The following LAMA4 variants were observed in gnomAD, a reference collection of about 807,000 sequenced individuals.
LAMA4 encodes laminin subunit alpha 4.
Under a neutral mutation model 207.1 loss-of-function variants are expected in LAMA4, and 127 were observed. The observed-to-expected ratio is 0.61, with a 90% CI of 0.53 to 0.71. The LOEUF is 0.71. Ranked by LOEUF, LAMA4 falls within the 30% of genes least tolerant of loss-of-function variation. The probability of loss-of-function intolerance (pLI) is 0.00; values close to 1 mark genes in which losing one functional copy is unlikely to be tolerated. For missense variants in LAMA4, 2,093 were observed against 2,246.5 expected (o/e 0.93, Z 1.38); for synonymous variants, 761 against 816.0 (o/e 0.93, Z 1.15).
chr6:112,188,636 G>A (rs1201016467), intron 7 of LAMA4, among the ~76,000 whole-genome samples: 4 of 152,188 alleles, frequency 2.6e-5, no homozygotes, highest in African/African-American at 9.7e-5. Context: ...AGAGATAAAA[G>A]GCAGTTCCAT....
At chr6:112,153,131 G>T (rs1554336088) in intron 16 of LAMA4, among the ~76,000 whole-genome samples, 2 of 152,040 alleles carry the variant, frequency 1.3e-5, no homozygotes, top group African/African-American at 4.8e-5. Context: ...GCAGCTTCCT[G>T]AGATTATATT....
chr6:112,152,091 G>T (rs1271283987), intron 16 of LAMA4, among the ~76,000 whole-genome samples: 2 of 152,068 alleles, frequency 1.3e-5, no homozygotes, highest in Non-Finnish European at 2.9e-5. Flanking sequence ...TTTTGTGAGA[G>T]AATTTGGCTT....
intron 2 of LAMA4, among the ~76,000 whole-genome samples, chr6:112,241,138 AAT>A (rs200599976): frequency 6.5e-5 from 3 of 46,362 alleles, no homozygotes; most frequent in Admixed American, 3.6e-4. Context: ...AATATATAGG[AAT>A]ATATATATGA....
At chr6:112,247,880 T>C (rs1787111919) in intron 2 of LAMA4, among the ~76,000 whole-genome samples, 2 of 152,212 alleles carry the variant, frequency 1.3e-5, no homozygotes, top group South Asian at 4.1e-4. Context: ...ATAGTGTACA[T>C]ATAAACAGAG....
At position 112,190,932 on chromosome 6, in the gene LAMA4, TTTCTTTCTTTCTTTCCTTTC is replaced by T. The variant is rs1386486028; in HGVS notation, c.718+684_718+703del. 4.9e-3 allele frequency among the ~76,000 whole-genome samples: 431 copies of T among 88,794 alleles called. 7 individuals are homozygous for T. The highest frequency in any genetic ancestry group is 0.022 in the South Asian group (48 of 2,168). The allele number at this position is 88,794 out of a possible 152,430, so 58.3% of individuals were successfully genotyped here. The stretch of plus-strand genomic sequence containing the variant: ...CTTTCTTTCTTTCTTTCTTTCTTTC[TTTCTTTCTTTCTTTCCTTTC>T]TTTCTTTCTTTCTTTCTTTCTTTCT... On this transcript the variant is annotated intron_variant, in intron 6 of 38. Coordinates refer to ENST00000230538, the MANE Select transcript of LAMA4 (RefSeq NM_001105206.3).
intron 13 of LAMA4, 41 bp from the exon 14 acceptor site, chr6:112,158,921 A>G: frequency 1.4e-6 from 2 of 1,384,370 alleles, no homozygotes; most frequent in South Asian, 1.2e-5. Context: ...AATTTAGAAG[A>G]ACTTAAAACA....
intron 13 of LAMA4, among the ~76,000 whole-genome samples, chr6:112,163,075 G>A (rs1781160305): frequency 6.7e-6 from 1 of 149,206 alleles, no homozygotes; most frequent in African/African-American, 2.5e-5. Flanking sequence ...GGGCTCAAGT[G>A]ATCCTCCCAT....
Position 112,122,058 on chromosome 6 carries a change from G to T in LAMA4, c.4431C>A (p.Asn1477Lys). Residue 1477 changes from asparagine to lysine, a missense_variant, in exon 32 of 39, where the codon AAC becomes AAA. Coordinates refer to ENST00000230538, the MANE Select transcript of LAMA4 (RefSeq NM_001105206.3). ...TTAAGTGTTCAAACTCTTGGCGGCTGTTGGCTGTTCCTCCATATTGATAGG... is the reference window on the plus strand; with the variant it reads ...TTAAGTGTTCAAACTCTTGGCGGCTTTTGGCTGTTCCTCCATATTGATAGG... ...EHAYQYGGTA[N>K]SRQEFEHLKG... The T allele has an allele frequency of 6.2e-7, 1 of 1,614,012 alleles. No individual in the cohort carries two copies. Among genetic ancestry groups the T allele is most frequent in the Non-Finnish European group, 8.5e-7 (1 of 1,179,920 alleles).
In LAMA4 at chr6:112,119,314, G is replaced by A. The variant is rs372262695; in HGVS notation, c.4666-3C>T. On this transcript the variant is annotated splice_region_variant and splice_polypyrimidine_tract_variant and intron_variant, in intron 33 of 38. Transcript: ENST00000230538. ...CTCCTTTCTCGAATAAATATCACCT[G>A]GATGAAGAGAAGGACAATAGCACAT... 4 of 1,613,364 alleles carry A rather than the reference G, an allele frequency of 2.5e-6. No individual in the cohort carries two copies. The African/African-American group carries it at 5.3e-5, about 22-fold the overall frequency.
intron 6 of LAMA4, among the ~76,000 whole-genome samples, chr6:112,190,931 CTTTCTTTCTTTCTTTCCTTT>C (rs1286206991): frequency 0.021 from 1,618 of 78,464 alleles, 14 homozygotes; most frequent in Non-Finnish European, 0.027. Context: ...TTCTTTCTTT[CTTTCTTTCTTTCTTTCCTTT>C]CTTTCTTTCT....
intron 2 of LAMA4, chr6:112,253,315 G>A (rs929402605): frequency 4.6e-6 from 1 of 215,520 alleles, no homozygotes; most frequent in African/African-American, 2.3e-5. Flanking sequence ...CTATTGTAAG[G>A]TATTCAAACA....
At chr6:112,159,254 T>C in intron 13 of LAMA4, 1 of 242,516 alleles carries the variant, frequency 4.1e-6, no homozygotes, top group Non-Finnish European at 8.1e-6. Context: ...TTGTCTCTAT[T>C]TTCTCTCACT....
At chr6:112,240,220 A>AT (rs1384302379) in intron 2 of LAMA4, among the ~76,000 whole-genome samples, 1 of 151,894 alleles carries the variant, frequency 6.6e-6, no homozygotes, top group African/African-American at 2.4e-5. Flanking sequence ...TCCTGAGGTC[A>AT]TTTTTTTGTT....
At chr6:112,229,503 A>G (rs1554363807) in intron 2 of LAMA4, among the ~76,000 whole-genome samples, 1 of 152,194 alleles carries the variant, frequency 6.6e-6, no homozygotes, top group African/African-American at 2.4e-5. Context: ...TTGAAATGGA[A>G]AGGTCTTTTT....
chr6:112,141,285 C>T, intron 21 of LAMA4, 73 bp downstream of exon 21: 7 of 1,298,648 alleles, frequency 5.4e-6, no homozygotes, highest in Non-Finnish European at 7.8e-6. Flanking sequence ...TGTGTGTGTG[C>T]ACGCACATGT....
Position 112,187,584 on chromosome 6 carries a change from A to G in LAMA4, c.832T>C (p.Trp278Arg), listed in dbSNP as rs201486893. The G allele has an allele frequency of 2.5e-6, 4 of 1,613,966 alleles. No homozygotes were observed. ...AACCGCAGGTCATCAGTCAGGTCCC[A>G]GACGCACTTATCACAGCCTGGAGGT... ...CPTISCDKCV[W>R]DLTDDLRLAA... Residue 278 changes from tryptophan to arginine, a missense_variant, in exon 8 of 39, where the codon TGG becomes CGG. Physicochemically the swap from Trp to Arg is moderately radical, Grantham distance 101. This residue lies in a region of LAMA4 where 1,704 missense variants were observed against 1,788.4 expected (regional missense o/e 0.95). Coordinates refer to ENST00000230538, the MANE Select transcript of LAMA4 (RefSeq NM_001105206.3).
At chr6:112,150,716 G>A (rs1301105577) in intron 16 of LAMA4, 89 bp from the exon 17 acceptor site, 2 of 888,754 alleles carry the variant, frequency 2.3e-6, no homozygotes, top group Non-Finnish European at 3.8e-6. Context: ...TCATTTGTAC[G>A]ATGCAGTCAT....
intron 38 of LAMA4, among the ~76,000 whole-genome samples, chr6:112,110,237 A>G (rs1285077066): frequency 6.6e-6 from 1 of 152,230 alleles, no homozygotes; most frequent in Non-Finnish European, 1.5e-5. Flanking sequence ...CCTTATGCTT[A>G]TTAATTGTAC....
At chr6:112,183,964 A>AAG (rs1237439195) in intron 9 of LAMA4, among the ~76,000 whole-genome samples, 57 of 151,512 alleles carry the variant, frequency 3.8e-4, no homozygotes, top group Non-Finnish European at 4.1e-4. Context: ...AAAAAAAAAA[A>AAG]AAAAAGAAAA....
Sources: gnomAD v4.1 joint callset for allele counts (sites outside exome capture counted in the v4.1 genomes callset) on GRCh38, gnomAD v4.1.1 for gene constraint, gnomAD v4.1.1 regional missense constraint, MANE v1.5 for transcripts, NCBI Gene and HGNC (gene_info 2026-07-23, HGNC 2026-07-21) for gene names.